IPO8: variants seen among roughly 807,000 people sequenced by gnomAD.
IPO8 encodes importin 8.
Under a neutral mutation model 141.2 loss-of-function variants are expected in IPO8, and 65 were observed. The ratio of observed to expected loss-of-function variants is 0.46; its 90% confidence interval spans 0.38 to 0.57. The LOEUF is 0.57. Among genes scored for constraint, IPO8 ranks in the 20% least tolerant of loss-of-function variants. The pLI is 0.00. For synonymous variants in IPO8, 411 were observed against 420.3 expected, an observed-to-expected ratio of 0.98 and a Z score of 0.27; for missense variants, 980 against 1,246.8, an observed-to-expected ratio of 0.79 and a Z score of 3.22.
chr12:30,665,250 T>C lies in IPO8; in HGVS notation c.1398A>G (p.Leu466=), dbSNP rs761508622. The C allele has an allele frequency of 1.3e-6, 2 of 1,596,742 alleles. No individual in the cohort carries two copies. The highest frequency in any genetic ancestry group is 1.1e-5 in the South Asian group (1 of 89,514). ...CTCGAAGATATCCCAGGTTAGACAA[T>C]AATAATGGAAATACATGATTTTGTA... ...LFLQNHVFPL[L]LSNLGYLRAR... The change falls in exon 13 of 25, where the codon TTA becomes TTG. Residue 466 remains leucine (L), a synonymous_variant. Coordinates refer to ENST00000256079, the MANE Select transcript of IPO8 (RefSeq NM_006390.4).
chr12:30,655,029 A>G (rs994649125), intron 17 of IPO8, among the ~76,000 whole-genome samples: 2 of 152,174 alleles, frequency 1.3e-5, no homozygotes, highest in African/African-American at 4.8e-5. Context: ...TTAAAAAAAA[A>G]AGAAAATCCT....
Position 30,690,488 on chromosome 12 carries a change from CA to C in IPO8, c.166+7del, listed in dbSNP as rs758250476. 2 of 1,545,248 alleles carry C rather than the reference CA, an allele frequency of 1.3e-6. No individual in the cohort carries two copies. The highest frequency in any genetic ancestry group is 1.8e-6 in the Non-Finnish European group (2 of 1,131,918). ...AATAAATTTATAAAGGATAAAAAAC[CA>C]ACTCACCTGCCTGTCGTACTGGGAA... On this transcript the variant is annotated splice_region_variant and intron_variant, in intron 2 of 24. Transcript: ENST00000256079.
At chr12:30,658,843 G>GCAAATGAA (rs2052838140) in intron 16 of IPO8, among the ~76,000 whole-genome samples, 1 of 148,514 alleles carries the variant, frequency 6.7e-6, no homozygotes, top group Admixed American at 6.7e-5. Flanking sequence ...AGCCCTTTAG[G>GCAAATGAA]CAAATGAAGA....
Position 30,671,085 on chromosome 12 carries a change from T to A in IPO8, c.921A>T (p.Lys307Asn), listed in dbSNP as rs1360948307. The A allele has an allele frequency of 6.3e-7, 1 of 1,593,828 alleles. No individual in the cohort carries two copies. Among genetic ancestry groups the A allele is most frequent in the African/African-American group, 1.3e-5 (1 of 74,370 alleles). Residue 307 changes from lysine to asparagine, a missense_variant, in exon 9 of 25, where the codon AAA (lysine) becomes AAT (asparagine). Transcript: ENST00000256079. The stretch of plus-strand genomic sequence containing the variant: ...CTTTCTGTCTATATTGATCTAAAAT[T>A]TTTAGTAGCACCTATAAGAAAACAG... The part of the protein sequence containing the change: ...YAVGIQQVLL[K>N]ILDQYRQKEY...
chr12:30,637,961 A>T (rs1326867646), intron 21 of IPO8, among the ~76,000 whole-genome samples: 2 of 152,224 alleles, frequency 1.3e-5, no homozygotes, highest in Non-Finnish European at 2.9e-5. Context: ...GGCTTCTGTT[A>T]TTCTTCATTA....
rs189976804 is a variant in IPO8 at position 30,665,836 on chromosome 12, T to C, written c.1231A>G (p.Lys411Glu). ...ATTTGATAACAGAATGCCATCATTT[T>C]TGGCAACACCTAAAGAAACAGAAGA... Reference protein sequence around the residue: ...AAKKRKEVLPKMMAFCYQILT... With the variant: ...AAKKRKEVLPEMMAFCYQILT... The change falls in exon 12 of 25, where the codon AAA becomes GAA. Residue 411 changes from lysine to glutamate, a missense_variant. Around this residue, in one of 3 missense-constraint regions of IPO8, gnomAD observed 924 missense variants for 1,153.9 expected, o/e 0.80. Transcript: ENST00000256079. 1.2e-6 allele frequency: 2 copies of C among 1,609,360 alleles called. No individual in the cohort carries two copies. Among genetic ancestry groups the C allele is most frequent in the Admixed American group, 1.7e-5 (1 of 59,970 alleles).
At chr12:30,665,345 T>C (rs758639153) in intron 12 of IPO8, 36 bp from the exon 13 acceptor site, 1 of 1,177,792 alleles carries the variant, frequency 8.5e-7, no homozygotes, top group East Asian at 2.3e-5. Flanking sequence ...TCAATTTCTT[T>C]TTCATACGTA....
At chr12:30,640,579 G>A (rs111301486) in intron 20 of IPO8, among the ~76,000 whole-genome samples, 164 of 152,232 alleles carry the variant, frequency 1.1e-3, no homozygotes, top group African/African-American at 3.8e-3. Context: ...TTAACTCTAC[G>A]TCTACTTATG....
In IPO8 at chr12:30,695,685, G is replaced by T; in HGVS notation, c.-38C>A. On this transcript the variant is annotated 5_prime_UTR_variant, in exon 1 of 25. Coordinates refer to ENST00000256079, the MANE Select transcript of IPO8 (RefSeq NM_006390.4). This position sits in a 1 kb window ranked among gnomAD's most constrained non-coding sequence, Gnocchi z 4.2. ...GGGCTCCGCGGCCCCCGGAACAGTA[G>T]GCCGGACTGCAGCTTTAGTTTTCTT... 1 of 1,579,058 alleles carries T rather than the reference G, an allele frequency of 6.3e-7. No individual in the cohort carries two copies. Among genetic ancestry groups the T allele is most frequent in the Non-Finnish European group, 8.7e-7 (1 of 1,149,542 alleles).
At chr12:30,652,425 A>G (rs2052741055) in intron 18 of IPO8, 136 bp from the exon 19 acceptor site, 1 of 646,994 alleles carries the variant, frequency 1.5e-6, no homozygotes, top group South Asian at 1.7e-5. Flanking sequence ...AAATGAAAGT[A>G]ATAAGTCTGA....
intron 9 of IPO8, among the ~76,000 whole-genome samples, chr12:30,669,890 C>G (rs763994485): frequency 2.0e-5 from 3 of 152,192 alleles, no homozygotes; most frequent in Non-Finnish European, 2.9e-5. Context: ...TACTAATGTC[C>G]TATTAAGCCC....
In IPO8 at chr12:30,648,153, T is replaced by C. The variant is rs1400433787; in HGVS notation, c.2268+984A>G. ...AAGTTCCTAACAGCATTATTCATAA[T>C]AGCCAAAAAGTAAAAATAACCCAAA... On this transcript the variant is annotated intron_variant, in intron 20 of 24. Transcript: ENST00000256079. Among the ~76,000 whole-genome samples, 4 of 152,210 alleles carry C rather than the reference T, an allele frequency of 2.6e-5. No homozygotes were observed. In the East Asian group the frequency reaches 7.7e-4, roughly 29 times the overall value.
intron 13 of IPO8, among the ~76,000 whole-genome samples, chr12:30,664,532 A>T (rs913111373): frequency 2.0e-5 from 3 of 152,218 alleles, no homozygotes; most frequent in Non-Finnish European, 2.9e-5. Flanking sequence ...CCATTTTACT[A>T]AGGCAAATCT....
In IPO8 at chr12:30,634,198, T is replaced by A. The variant is rs891225139; in HGVS notation, c.2784A>T (p.Glu928Asp). ...NNGRGEDEEE[E>D]DDDWDEEVLE... Reference sequence around the variant, plus strand: ...ATACTTCTTCATCCCAGTCATCATCTTCCTCCTCCTCATCTTCACCTCTTC... The same window carrying A: ...ATACTTCTTCATCCCAGTCATCATCATCCTCCTCCTCATCTTCACCTCTTC... The change falls in exon 23 of 25, where the codon GAA becomes GAT. Residue 928 changes from glutamate (E) to aspartate (D), a missense_variant. By Grantham distance (45) the Glu-to-Asp change is conservative. Coordinates refer to ENST00000256079, the MANE Select transcript of IPO8 (RefSeq NM_006390.4). 3 of 1,613,984 alleles carry A rather than the reference T, an allele frequency of 1.9e-6. No homozygotes were observed. The highest frequency in any genetic ancestry group is 3.3e-5 in the Admixed American group (2 of 60,010).
intron 5 of IPO8, among the ~76,000 whole-genome samples, chr12:30,678,766 T>C (rs2053153886): frequency 1.3e-5 from 2 of 152,186 alleles, no homozygotes; most frequent in Non-Finnish European, 2.9e-5. Context: ...GGCTGAGGGT[T>C]AGGCTGAGCT....
intron 2 of IPO8, among the ~76,000 whole-genome samples, chr12:30,685,500 T>TTGTGTGTG (rs112645384): frequency 1.0e-4 from 15 of 148,556 alleles, no homozygotes; most frequent in African/African-American, 3.0e-4. Context: ...ACTTATAATG[T>TTGTGTGTG]TGTGTGTGTG....
At chr12:30,679,220 C>T (rs2053160424) in intron 5 of IPO8, among the ~76,000 whole-genome samples, 1 of 152,144 alleles carries the variant, frequency 6.6e-6, no homozygotes, top group South Asian at 2.1e-4. Context: ...ATAGTGGCTC[C>T]TAATGCCTTC....
chr12:30,668,761 T>G (rs1027996584), intron 10 of IPO8, among the ~76,000 whole-genome samples: 8 of 152,164 alleles, frequency 5.3e-5, no homozygotes, highest in Non-Finnish European at 8.8e-5. Flanking sequence ...CGAAATTTAT[T>G]TCCCTTGTGG....
At chr12:30,671,128 A>G (rs2136159225) in intron 8 of IPO8, 32 bp from the exon 9 acceptor site, 1 of 1,466,150 alleles carries the variant, frequency 6.8e-7, no homozygotes, top group African/African-American at 1.4e-5. Flanking sequence ...AGACTAACAT[A>G]AACAATTATA....
Sources: allele counts gnomAD v4.1 joint callset (sites outside exome capture counted in the v4.1 genomes callset), GRCh38; gene constraint gnomAD v4.1.1; regional missense constraint gnomAD v4.1.1; non-coding constraint Gnocchi (gnomAD v3.1); transcripts MANE v1.5; gene names NCBI Gene and HGNC (gene_info 2026-07-23, HGNC 2026-07-21).